SH3PXD2A: variants seen among roughly 807,000 people sequenced by gnomAD.
SH3PXD2A encodes SH3 and PX domains 2A.
SH3PXD2A carries 32 observed loss-of-function variants against 115.2 expected under a neutral mutation model. The observed-to-expected ratio is 0.28, with a 90% CI of 0.21 to 0.37. SH3PXD2A has a LOEUF of 0.37. SH3PXD2A is among the 10% of genes least tolerant of loss of function. The pLI, the probability that SH3PXD2A is intolerant of heterozygous loss-of-function variation, is 1.00. For synonymous variants in SH3PXD2A, 610 were observed against 629.1 expected, an observed-to-expected ratio of 0.97 and a Z score of 0.45; for missense variants, 1,328 against 1,498.7, an observed-to-expected ratio of 0.89 and a Z score of 1.88.
intron 1 of SH3PXD2A, among the ~76,000 whole-genome samples, chr10:103,820,737 G>A (rs972801068): frequency 1.4e-4 from 22 of 152,296 alleles, no homozygotes; most frequent in African/African-American, 5.1e-4. Flanking sequence ...AAGGGGCGGG[G>A]GGGTTGGGCG....
In SH3PXD2A at chr10:103,801,345, C is replaced by T. The variant is rs1253467356; in HGVS notation, c.90G>A (p.Val30=). The T allele has an allele frequency of 6.2e-7, 1 of 1,609,746 alleles. No individual in the cohort carries two copies. The highest frequency in any genetic ancestry group is 8.5e-7 in the Non-Finnish European group (1 of 1,176,052). The stretch of plus-strand genomic sequence containing the variant: ...TCTGGGAGGTGGAGTCAGACCAGGT[C>T]ACATTGATTATGTATACCTGTGGGA... ...PSKHYVYIIN[V]TWSDSTSQTI... Residue 30 remains valine, a synonymous_variant, in exon 2 of 15, where the codon GTG becomes GTA. Transcript: ENST00000369774.
At chr10:103,827,750 A>G (rs2039444992) in intron 1 of SH3PXD2A, among the ~76,000 whole-genome samples, 1 of 152,184 alleles carries the variant, frequency 6.6e-6, no homozygotes, top group African/African-American at 2.4e-5. Flanking sequence ...GAGCTTTTGA[A>G]GGAGGGGCTA....
chr10:103,714,157 A>G (rs2038078099), intron 5 of SH3PXD2A, among the ~76,000 whole-genome samples: 1 of 152,128 alleles, frequency 6.6e-6, no homozygotes, highest in South Asian at 2.1e-4. Context: ...CTTGAACACA[A>G]CATAACAGCA....
chr10:103,696,686 C>A (rs775782892), intron 5 of SH3PXD2A, among the ~76,000 whole-genome samples: 1 of 152,136 alleles, frequency 6.6e-6, no homozygotes, highest in Non-Finnish European at 1.5e-5. Flanking sequence ...GGAGGAAGGG[C>A]GGGGCTAGCA....
intron 1 of SH3PXD2A, among the ~76,000 whole-genome samples, chr10:103,832,532 A>G (rs941768203): frequency 1.3e-5 from 2 of 152,220 alleles, no homozygotes; most frequent in Non-Finnish European, 2.9e-5. Context: ...GACTGGATTA[A>G]GAAGATGTGG....
chr10:103,612,268 C>G (rs116158193), intron 12 of SH3PXD2A, among the ~76,000 whole-genome samples: 1 of 152,282 alleles, frequency 6.6e-6, no homozygotes, highest in Admixed American at 6.5e-5. Context: ...TCTTGAAGAA[C>G]GCCCTGTTGA....
chr10:103,654,447 C>G (rs767513068), intron 8 of SH3PXD2A, among the ~76,000 whole-genome samples: 1 of 152,146 alleles, frequency 6.6e-6, no homozygotes, highest in African/African-American at 2.4e-5. Flanking sequence ...GAGAAACTGG[C>G]CCCCTGCAGG....
At chr10:103,813,868 G>T (rs2039295927) in intron 1 of SH3PXD2A, among the ~76,000 whole-genome samples, 1 of 151,942 alleles carries the variant, frequency 6.6e-6, no homozygotes, top group South Asian at 2.1e-4. Flanking sequence ...AACACTACAG[G>T]ATTTAAATCA....
rs993052013 is a variant in SH3PXD2A at position 103,597,273 on chromosome 10, A to C, written c.*4543T>G. ...GCGGCTCAAGGTTCTCACATCCCCC[A>C]AAAAGATCTGGTGACTTCTAGGCTT... On this transcript the variant is annotated 3_prime_UTR_variant, in exon 15 of 15. Transcript: ENST00000369774. 6.6e-6 allele frequency: 1 copy of C among 152,564 alleles called. No homozygotes were observed. Among genetic ancestry groups the C allele is most frequent in the Non-Finnish European group, 1.5e-5 (1 of 68,020 alleles). 9.5% of individuals were successfully genotyped at this position (152,564 alleles called of 1,614,324 possible). A position where few individuals can be genotyped will look rare whatever the true frequency, so the allele number is the denominator to read the frequency against.
intron 2 of SH3PXD2A, among the ~76,000 whole-genome samples, chr10:103,785,796 A>C (rs2038974987): frequency 6.6e-6 from 1 of 151,698 alleles, no homozygotes; most frequent in South Asian, 2.1e-4. Flanking sequence ...GCAGGCTTCC[A>C]CCTGCCCTTC....
At chr10:103,729,192 G>A (rs951792918) in intron 4 of SH3PXD2A, among the ~76,000 whole-genome samples, 1 of 152,152 alleles carries the variant, frequency 6.6e-6, no homozygotes, top group South Asian at 2.1e-4. Flanking sequence ...GAGCCATGGC[G>A]TCCGGCTGTA....
intron 6 of SH3PXD2A, among the ~76,000 whole-genome samples, chr10:103,670,920 G>A (rs1185038971): frequency 6.6e-6 from 1 of 152,252 alleles, no homozygotes; most frequent in South Asian, 2.1e-4. Flanking sequence ...ACTCCCTGCT[G>A]CTGCATCCCA....
At chr10:103,644,220 A>G (rs1372853797) in intron 8 of SH3PXD2A, among the ~76,000 whole-genome samples, 1 of 151,952 alleles carries the variant, frequency 6.6e-6, no homozygotes, top group Non-Finnish European at 1.5e-5. Flanking sequence ...TGAAAAATGG[A>G]AACAAAGCCA....
chr10:103,736,690 T>C, intron 3 of SH3PXD2A: 1 of 1,013,118 alleles, frequency 9.9e-7, no homozygotes, highest in South Asian at 1.3e-5. Flanking sequence ...TCGTTGTCCA[T>C]TCCTAGGCTA....
chr10:103,754,485 T>A (rs1011995123), intron 3 of SH3PXD2A: 2 of 152,124 alleles, frequency 1.3e-5, no homozygotes, highest in East Asian at 3.8e-4. Context: ...TGCCACCCTA[T>A]CTTCAAAACC....
intron 5 of SH3PXD2A, among the ~76,000 whole-genome samples, chr10:103,714,098 G>C (rs544913069): frequency 6.5e-4 from 99 of 152,334 alleles, no homozygotes; most frequent in African/African-American, 2.3e-3. Flanking sequence ...ACTACCCAGG[G>C]ACTAGGAACA....
intron 1 of SH3PXD2A, among the ~76,000 whole-genome samples, chr10:103,824,777 G>A (rs888057312): frequency 5.9e-5 from 9 of 151,838 alleles, no homozygotes; most frequent in Admixed American, 3.9e-4. Context: ...AGGCAGAGAG[G>A]GCAGAATGGA....
chr10:103,740,073 A>G (rs2038427663), intron 3 of SH3PXD2A, among the ~76,000 whole-genome samples: 1 of 152,156 alleles, frequency 6.6e-6, no homozygotes, highest in African/African-American at 2.4e-5. Flanking sequence ...GCAGAGGAGG[A>G]AGGAGGAAAG....
At chr10:103,727,121 T>C (rs1564874220) in intron 4 of SH3PXD2A, among the ~76,000 whole-genome samples, 1 of 152,148 alleles carries the variant, frequency 6.6e-6, no homozygotes, top group African/African-American at 2.4e-5. Flanking sequence ...GCAAATCTAA[T>C]GACATGTCAC....
Sources: allele counts gnomAD v4.1 joint callset (sites outside exome capture counted in the v4.1 genomes callset), GRCh38; gene constraint gnomAD v4.1.1; transcripts MANE v1.5; gene names NCBI Gene and HGNC (gene_info 2026-07-23, HGNC 2026-07-21).